Variants in TET1 observed in about 807,000 individuals in gnomAD.
The protein encoded by TET1 is tet methylcytosine dioxygenase 1, also known as methylcytosine dioxygenase TET1.
A neutral mutation model predicts 148.7 loss-of-function variants in TET1; 13 were observed. The ratio of observed to expected loss-of-function variants is 0.09; its 90% CI spans 0.06 to 0.14. The LOEUF (loss-of-function observed/expected upper bound fraction) is 0.14. Among genes scored for constraint, TET1 ranks in the 10% least tolerant of loss-of-function variants. The pLI, the probability that TET1 is intolerant of heterozygous loss-of-function variation, is 1.00. For synonymous variants in TET1, 907 were observed against 937.2 expected (o/e 0.97, Z 0.59); for missense variants, 2,182 against 2,553.8 (o/e 0.85, Z 3.14).
chr10:68,693,356 G>A lies in TET1; in HGVS notation c.*1542G>A, dbSNP rs2055617097. ...TTGGGAGTATGGAAAACCTAATGGT[G>A]CTTCTCCCTTGGAAATGCCATAGGA... is the stretch of plus-strand genomic sequence containing the variant. On this transcript the variant is annotated 3_prime_UTR_variant, in exon 12 of 12. Transcript: ENST00000373644. 4.3e-6 allele frequency: 1 copy of A among 233,146 alleles called. No homozygotes were observed. Among genetic ancestry groups the A allele is most frequent in the Non-Finnish European group, 8.5e-6 (1 of 117,892 alleles). 14.4% of individuals were successfully genotyped at this position (233,146 alleles called of 1,614,324 possible).
At chr10:68,687,109 G>T (rs1443743775) in intron 11 of TET1, among the ~76,000 whole-genome samples, 1 of 151,646 alleles carries the variant, frequency 6.6e-6, no homozygotes, top group East Asian at 1.9e-4. Context: ...GGATGGTCTC[G>T]ATCTCCTGAC....
At chr10:68,657,110 G>A (rs1192618981) in intron 6 of TET1, among the ~76,000 whole-genome samples, 3 of 152,252 alleles carry the variant, frequency 2.0e-5, no homozygotes, top group Admixed American at 2.0e-4. Flanking sequence ...GGCTGAGGCG[G>A]GAGGACCACT....
In TET1 at chr10:68,692,932, A is replaced by G. The variant is rs2055612176; in HGVS notation, c.*1118A>G. ...ACAGATATTTGTACTGAAGTCTGAT[A>G]CAGAATTAGAAAAAAAAAATTCTTG... On this transcript the variant is annotated 3_prime_UTR_variant, in exon 12 of 12. Transcript: ENST00000373644. 4.3e-6 allele frequency: 1 copy of G among 231,574 alleles called. No homozygotes were observed. The highest frequency in any genetic ancestry group is 2.2e-5 in the African/African-American group (1 of 45,172). The allele number at this position is 231,574 out of a possible 1,614,324, so 14.3% of individuals were successfully genotyped here. A position where few individuals can be genotyped will look rare whatever the true frequency, so the allele number is the denominator to read the frequency against.
chr10:68,683,673 A>C (rs944502992), intron 10 of TET1, among the ~76,000 whole-genome samples: 1 of 152,194 alleles, frequency 6.6e-6, no homozygotes, highest in African/African-American at 2.4e-5. Context: ...TGGCCTCCCA[A>C]AGTGCTGGGA....
At chr10:68,669,968 T>G (rs991849164) in intron 7 of TET1, among the ~76,000 whole-genome samples, 1 of 152,148 alleles carries the variant, frequency 6.6e-6, no homozygotes, top group African/African-American at 2.4e-5. Context: ...ATACCCTTAC[T>G]TAGATTCCAC....
rs972697918 is a variant in TET1, at chr10:68,605,803, C to G, written c.1968+4769C>G. On this transcript the variant is annotated intron_variant, in intron 3 of 11. Transcript: ENST00000373644. ...ATGCTGGGATTACAGGTGTGAGCAA[C>G]CACGCCTAGCCCATAAATTATTTTT... 4.1e-4 allele frequency among the ~76,000 whole-genome samples: 63 copies of G among 152,184 alleles called. 3 individuals carry two copies. The highest frequency in any genetic ancestry group is 2.9e-5 in the Non-Finnish European group (2 of 68,036).
chr10:68,687,627 G>A (rs1158545470), intron 11 of TET1, among the ~76,000 whole-genome samples: 1 of 151,934 alleles, frequency 6.6e-6, no homozygotes, highest in Non-Finnish European at 1.5e-5. Flanking sequence ...CTCTTGCCCA[G>A]GCTCTGGAGT....
At chr10:68,690,524 C>T (rs1349054768) in intron 11 of TET1, among the ~76,000 whole-genome samples, 1 of 152,136 alleles carries the variant, frequency 6.6e-6, no homozygotes, top group Admixed American at 6.5e-5. Context: ...AAGAGAATGG[C>T]ATGAGCCGAG....
chr10:68,572,363 C>A lies in TET1; in HGVS notation c.25C>A (p.Pro9Thr), dbSNP rs1397274217. The A allele has an allele frequency of 6.2e-7, 1 of 1,605,556 alleles. No homozygotes were observed. Among genetic ancestry groups the A allele is most frequent in the East Asian group, 2.2e-5 (1 of 44,850 alleles). The change falls in exon 2 of 12, where the codon CCT becomes ACT. Residue 9 changes from proline to threonine, a missense_variant. Transcript: ENST00000373644. MSRSRHAR[P>T]SRLVRKEDVN... ...TATGTCTCGATCCCGCCATGCAAGGCCTTCCAGATTAGTCAGGAAGGAAGA... is the reference window on the plus strand; with the variant it reads ...TATGTCTCGATCCCGCCATGCAAGGACTTCCAGATTAGTCAGGAAGGAAGA...
chr10:68,656,898 TGCCTATAGTCCCA>T (rs1470342099), intron 6 of TET1, among the ~76,000 whole-genome samples: 1 of 151,740 alleles, frequency 6.6e-6, no homozygotes, highest in East Asian at 2.0e-4. Flanking sequence ...TGGTGGCACG[TGCCTATAGTCCCA>T]GCTACTCAGG....
chr10:68,602,071 C>T (rs2054062996), intron 3 of TET1, among the ~76,000 whole-genome samples: 1 of 152,194 alleles, frequency 6.6e-6, no homozygotes, highest in Non-Finnish European at 1.5e-5. Flanking sequence ...TGCCTGACCA[C>T]ATTGAGTTTC....
intron 6 of TET1, 117 bp from the exon 7 acceptor site, chr10:68,666,928 T>G (rs2055202684): frequency 1.0e-6 from 1 of 959,876 alleles, no homozygotes; most frequent in Admixed American, 2.8e-5. Context: ...TAGAACAGAT[T>G]TTATAAATTA....
At chr10:68,595,947 TATATATATATATATACACAC>T (rs1317050422) in intron 2 of TET1, among the ~76,000 whole-genome samples, 3,741 of 43,340 alleles carry the variant, frequency 0.086, 212 homozygotes, top group Non-Finnish European at 0.12. Context: ...TATATATATA[TATATATATATATATACACAC>T]ACACACACAC....
At chr10:68,586,807 A>G (rs1262176404) in intron 2 of TET1, among the ~76,000 whole-genome samples, 2 of 152,214 alleles carry the variant, frequency 1.3e-5, no homozygotes, top group Admixed American at 1.3e-4. Flanking sequence ...CAGAGATGCC[A>G]TGAGGAGCAG....
intron 3 of TET1, among the ~76,000 whole-genome samples, chr10:68,631,509 C>T (rs1364200780): frequency 5.1e-5 from 7 of 137,392 alleles, no homozygotes; most frequent in African/African-American, 1.9e-4. Flanking sequence ...TCTCCATCTC[C>T]TTATCCGCCC....
intron 8 of TET1, among the ~76,000 whole-genome samples, 190 bp from the exon 9 acceptor site, chr10:68,681,209 A>C (rs565386616): frequency 2.6e-5 from 4 of 152,252 alleles, no homozygotes; most frequent in African/African-American, 4.8e-5. Flanking sequence ...AAAAGACTTC[A>C]TTAAAGCATA....
At chr10:68,641,623 C>G (rs978137688) in intron 3 of TET1, among the ~76,000 whole-genome samples, 4 of 151,806 alleles carry the variant, frequency 2.6e-5, no homozygotes, top group Non-Finnish European at 5.9e-5. Context: ...CTCAGCTTCT[C>G]GAGTACCTGG....
chr10:68,598,141 C>A (rs144480842), intron 2 of TET1, among the ~76,000 whole-genome samples: 1 of 152,346 alleles, frequency 6.6e-6, no homozygotes, highest in African/African-American at 2.4e-5. Flanking sequence ...GTAATCCCAG[C>A]ACTTTGGGAG....
chr10:68,663,312 T>C (rs1035917468), intron 6 of TET1, among the ~76,000 whole-genome samples: 14 of 152,228 alleles, frequency 9.2e-5, no homozygotes, highest in Non-Finnish European at 1.3e-4. Context: ...CTTTCTTTTA[T>C]AACCTTCTCT....
Sources: allele counts gnomAD v4.1 joint callset (sites outside exome capture counted in the v4.1 genomes callset), GRCh38; gene constraint gnomAD v4.1.1; transcripts MANE v1.5; gene names NCBI Gene and HGNC (gene_info 2026-07-23, HGNC 2026-07-21).